The following NMNAT2 variants were observed in gnomAD, a reference collection of about 807,000 sequenced individuals.
NMNAT2 encodes nicotinamide/nicotinic acid mononucleotide adenylyltransferase 2.
In NMNAT2, 11 loss-of-function variants were observed where a neutral mutation model predicts 41.6. The ratio of observed to expected loss-of-function variants is 0.26; its 90% confidence interval spans 0.17 to 0.44. The LOEUF (loss-of-function observed/expected upper bound fraction) is 0.44. Among genes scored for constraint, NMNAT2 ranks in the 20% least tolerant of loss-of-function variants. NMNAT2 has a pLI of 1.00. For synonymous variants in NMNAT2, 148 were observed against 151.2 expected, an observed-to-expected ratio of 0.98 and a Z score of 0.16; for missense variants, 288 against 407.7, an observed-to-expected ratio of 0.71 and a Z score of 2.53.
intron 1 of NMNAT2, among the ~76,000 whole-genome samples, chr1:183,297,469 G>C (rs571763040): frequency 3.9e-4 from 59 of 150,224 alleles, no homozygotes; most frequent in African/African-American, 1.4e-3. Context: ...CGCAACCTCT[G>C]CCTCCCGGGT....
At chr1:183,408,766 C>T (rs1483306533) in intron 1 of NMNAT2, among the ~76,000 whole-genome samples, 1 of 152,084 alleles carries the variant, frequency 6.6e-6, no homozygotes, top group Non-Finnish European at 1.5e-5. Flanking sequence ...TTAAATGGTG[C>T]TTAGCAAGAT....
chr1:183,415,268 C>T (rs1649223141), intron 1 of NMNAT2, among the ~76,000 whole-genome samples: 1 of 152,178 alleles, frequency 6.6e-6, no homozygotes, highest in African/African-American at 2.4e-5. Flanking sequence ...TAGGAGTGAG[C>T]CACCACACCT....
chr1:183,301,602 C>A (rs920043900), intron 1 of NMNAT2, among the ~76,000 whole-genome samples: 1 of 152,220 alleles, frequency 6.6e-6, no homozygotes, highest in Non-Finnish European at 1.5e-5. Context: ...ACTCCATGAC[C>A]GTTGCCACAT....
At chr1:183,381,611 C>T (rs1006037818) in intron 1 of NMNAT2, among the ~76,000 whole-genome samples, 1 of 152,136 alleles carries the variant, frequency 6.6e-6, no homozygotes, top group East Asian at 1.9e-4. Flanking sequence ...GCAGGAGAAT[C>T]GTTTGAGCCC....
At chr1:183,365,028 C>T (rs917408907) in intron 1 of NMNAT2, among the ~76,000 whole-genome samples, 5 of 152,144 alleles carry the variant, frequency 3.3e-5, no homozygotes, top group East Asian at 1.9e-4. Flanking sequence ...TTCTCTAGGC[C>T]TCCATTTGCT....
chr1:183,325,919 A>G (rs946777415), intron 1 of NMNAT2, among the ~76,000 whole-genome samples: 3 of 152,194 alleles, frequency 2.0e-5, no homozygotes, highest in African/African-American at 7.2e-5. Context: ...GGTGGACCAA[A>G]CAGACATGGT....
chr1:183,377,246 G>A (rs1338846406), intron 1 of NMNAT2, among the ~76,000 whole-genome samples: 1 of 151,996 alleles, frequency 6.6e-6, no homozygotes, highest in Non-Finnish European at 1.5e-5. Context: ...ACAACCCTGA[G>A]TTCCAGATTG....
At position 183,389,810 on chromosome 1, in the gene NMNAT2, AAGAAAGAAAGAAAGAAAG is replaced by A. The variant is rs1648402042; in HGVS notation, c.85+28355_85+28372del. Reference sequence around the variant, plus strand: ...AAAGAAAGAAAGAAAGAAAGAAAGAAAGAAAGAAAGAAAGAAAGAAAGAAAGAAAGAAAGGAAAAAAGA... The same window carrying A: ...AAAGAAAGAAAGAAAGAAAGAAAGAAAAAGAAAGAAAGAAAGGAAAAAAGA... On this transcript the variant is annotated intron_variant, in intron 1 of 10. Coordinates refer to ENST00000287713, the MANE Select transcript of NMNAT2 (RefSeq NM_015039.4). 2.3e-5 allele frequency among the ~76,000 whole-genome samples: 2 copies of A among 85,412 alleles called. 1 individual carries two copies. Among genetic ancestry groups the A allele is most frequent in the Non-Finnish European group, 5.2e-5 (2 of 38,616 alleles). 56.0% of individuals were successfully genotyped at this position (85,412 alleles called of 152,430 possible).
intron 1 of NMNAT2, among the ~76,000 whole-genome samples, chr1:183,380,988 G>C (rs1329949769): frequency 1.3e-5 from 2 of 152,138 alleles, no homozygotes; most frequent in East Asian, 3.9e-4. Flanking sequence ...GAGTGGATGA[G>C]GGCCTGGAGG....
chr1:183,314,902 AAAC>A (rs1310047643), intron 1 of NMNAT2, among the ~76,000 whole-genome samples: 2 of 152,190 alleles, frequency 1.3e-5, no homozygotes, highest in East Asian at 1.9e-4. Flanking sequence ...ACCAACAAAC[AAAC>A]AACAAGCAAA....
chr1:183,261,164 G>A, intron 9 of NMNAT2, 38 bp downstream of exon 9: 1 of 1,604,622 alleles, frequency 6.2e-7, no homozygotes, highest in Non-Finnish European at 8.5e-7. Context: ...TCAGAGAAGG[G>A]CCATAACACA....
chr1:183,292,458 A>G (rs567444140), intron 3 of NMNAT2, among the ~76,000 whole-genome samples: 194 of 152,356 alleles, frequency 1.3e-3, no homozygotes, highest in Non-Finnish European at 2.5e-3. Flanking sequence ...TGGGAATGAA[A>G]GTGAGAGGCA....
intron 1 of NMNAT2, among the ~76,000 whole-genome samples, chr1:183,352,326 G>A (rs1303457721): frequency 1.3e-5 from 2 of 152,136 alleles, no homozygotes; most frequent in South Asian, 2.1e-4. Flanking sequence ...CACTTAGGGA[G>A]GCTAAGGTGG....
At chr1:183,339,314 G>T (rs575506443) in intron 1 of NMNAT2, among the ~76,000 whole-genome samples, 2 of 152,188 alleles carry the variant, frequency 1.3e-5, no homozygotes, top group South Asian at 4.2e-4. Flanking sequence ...AGCCAGGATG[G>T]TCTCAATCTC....
intron 7 of NMNAT2, among the ~76,000 whole-genome samples, chr1:183,279,734 C>T (rs549193263): frequency 6.6e-6 from 1 of 152,330 alleles, no homozygotes; most frequent in Non-Finnish European, 1.5e-5. Flanking sequence ...GTGGGCAATG[C>T]CAGCATCTCA....
intron 1 of NMNAT2, among the ~76,000 whole-genome samples, chr1:183,403,367 G>A (rs1648868255): frequency 6.6e-6 from 1 of 152,028 alleles, no homozygotes; most frequent in Admixed American, 6.6e-5. Context: ...CAATTTGCAT[G>A]TAAAAGAAAT....
intron 1 of NMNAT2, among the ~76,000 whole-genome samples, chr1:183,377,261 T>G (rs928072984): frequency 7.9e-5 from 12 of 151,994 alleles, no homozygotes; most frequent in African/African-American, 2.9e-4. Flanking sequence ...AGATTGACAG[T>G]GACTGCCTAC....
At chr1:183,400,452 T>C (rs1648776987) in intron 1 of NMNAT2, among the ~76,000 whole-genome samples, 1 of 152,126 alleles carries the variant, frequency 6.6e-6, no homozygotes, top group African/African-American at 2.4e-5. Context: ...TGCTTATGGA[T>C]AGGAAGAATC....
At chr1:183,389,758 A>C (rs916354903) in intron 1 of NMNAT2, among the ~76,000 whole-genome samples, 3 of 23,002 alleles carry the variant, frequency 1.3e-4, no homozygotes, top group African/African-American at 4.3e-4. Context: ...GAAAGAAAGA[A>C]AGAAAGAAAG....
Sources: allele counts gnomAD v4.1 joint callset (sites outside exome capture counted in the v4.1 genomes callset), GRCh38; gene constraint gnomAD v4.1.1; transcripts MANE v1.5; gene names NCBI Gene and HGNC (gene_info 2026-07-23, HGNC 2026-07-21).